ALK: variants seen among roughly 807,000 people sequenced by gnomAD.
The protein encoded by ALK is ALK receptor tyrosine kinase.
In ALK, 74 loss-of-function variants were observed where a neutral mutation model predicts 163.1. That is an observed-to-expected ratio of 0.45 (90% CI 0.38 to 0.55). The LOEUF is 0.55. Ranked by LOEUF, ALK falls within the 20% of genes least tolerant of loss-of-function variation. The pLI, the probability that ALK is intolerant of heterozygous loss-of-function variation, is 0.00. For synonymous variants in ALK, 960 were observed against 843.2 expected, an observed-to-expected ratio of 1.14 and a Z score of -2.40; for missense variants, 2,063 against 2,105.3, an observed-to-expected ratio of 0.98 and a Z score of 0.39.
At chr2:29,604,666 C>A (rs1363971231) in intron 3 of ALK, among the ~76,000 whole-genome samples, 1 of 152,176 alleles carries the variant, frequency 6.6e-6, no homozygotes, top group Non-Finnish European at 1.5e-5. Context: ...CCTGTTTGTG[C>A]CAAAGTTGAG....
intron 3 of ALK, among the ~76,000 whole-genome samples, chr2:29,569,572 C>A (rs1422350911): frequency 8.2e-5 from 2 of 24,436 alleles, no homozygotes; most frequent in Non-Finnish European, 1.8e-4. Flanking sequence ...TTCCCCCCCC[C>A]TAGTGAGGTC....
At chr2:29,247,184 G>A (rs538817526) in intron 12 of ALK, among the ~76,000 whole-genome samples, 2 of 152,298 alleles carry the variant, frequency 1.3e-5, no homozygotes, top group South Asian at 4.1e-4. Flanking sequence ...CGGCCTCCGC[G>A]GCAGCGCCTT....
At chr2:29,314,946 T>A (rs1371927014) in intron 8 of ALK, among the ~76,000 whole-genome samples, 3 of 152,114 alleles carry the variant, frequency 2.0e-5, no homozygotes, top group African/African-American at 7.2e-5. Context: ...TTCGAGCAGG[T>A]CTGACAGCAA....
intron 28 of ALK, among the ~76,000 whole-genome samples, chr2:29,195,499 G>A (rs1472047470): frequency 6.6e-6 from 1 of 152,160 alleles, no homozygotes; most frequent in East Asian, 1.9e-4. Flanking sequence ...TTGGGAGGCC[G>A]AGGCGGGTGG....
At chr2:29,805,329 T>C (rs1664580125) in intron 1 of ALK, among the ~76,000 whole-genome samples, 1 of 152,178 alleles carries the variant, frequency 6.6e-6, no homozygotes, top group South Asian at 2.1e-4. Context: ...CTTGGATACA[T>C]GTGCAGGACA....
chr2:29,452,000 T>C (rs1021465800), intron 4 of ALK, among the ~76,000 whole-genome samples: 1 of 152,200 alleles, frequency 6.6e-6, no homozygotes, highest in East Asian at 1.9e-4. Flanking sequence ...GTTTATTTGA[T>C]TTCAATCAAT....
chr2:29,400,952 G>T (rs1482447109), intron 4 of ALK, among the ~76,000 whole-genome samples: 2 of 151,412 alleles, frequency 1.3e-5, no homozygotes, highest in Non-Finnish European at 2.9e-5. Flanking sequence ...TCCAGCCTGG[G>T]CAAACAGAGT....
At chr2:29,904,987 G>A (rs1667501429) in intron 1 of ALK, among the ~76,000 whole-genome samples, 1 of 152,184 alleles carries the variant, frequency 6.6e-6, no homozygotes, top group Non-Finnish European at 1.5e-5. Context: ...AATGTCTTCA[G>A]TAAAATGGGA....
chr2:29,647,227 G>A (rs1359793666), intron 3 of ALK, among the ~76,000 whole-genome samples: 1 of 152,140 alleles, frequency 6.6e-6, no homozygotes, highest in African/African-American at 2.4e-5. Flanking sequence ...TGGCATGTAA[G>A]GCTTGTTCTC....
chr2:29,285,765 G>T (rs893156363), intron 9 of ALK, among the ~76,000 whole-genome samples: 2 of 151,862 alleles, frequency 1.3e-5, no homozygotes, highest in African/African-American at 4.8e-5. Flanking sequence ...GTTTTACCAT[G>T]TTGGCCAGGC....
At chr2:29,293,844 T>TGTATTTCATGTAACAGCCAGGG (rs6146694) in intron 9 of ALK, among the ~76,000 whole-genome samples, 1 of 152,054 alleles carries the variant, frequency 6.6e-6, no homozygotes, top group Admixed American at 6.6e-5. Context: ...TGGTCAGATT[T>TGTATTTCATGTAACAGCCAGGG]CCAATACCGT....
chr2:29,683,087 A>G (rs1201877821), intron 3 of ALK, among the ~76,000 whole-genome samples: 1 of 152,168 alleles, frequency 6.6e-6, no homozygotes, highest in Non-Finnish European at 1.5e-5. Context: ...ACTTTGATCA[A>G]GCATGAAGGC....
At chr2:29,717,336 G>T (rs1679290553) in intron 2 of ALK, among the ~76,000 whole-genome samples, 2 of 152,172 alleles carry the variant, frequency 1.3e-5, no homozygotes, top group African/African-American at 4.8e-5. Context: ...AAGCAGGAGG[G>T]ATATGGCAGA....
chr2:29,673,839 C>A (rs1677785556), intron 3 of ALK, among the ~76,000 whole-genome samples: 1 of 151,222 alleles, frequency 6.6e-6, no homozygotes. Flanking sequence ...TTGTTTGTAT[C>A]CTCTTTTATT....
intron 1 of ALK, among the ~76,000 whole-genome samples, chr2:29,822,988 GT>G (rs1380680610): frequency 6.6e-6 from 1 of 152,216 alleles, no homozygotes; most frequent in Admixed American, 6.5e-5. Context: ...TGGTTTGACT[GT>G]GTCCCCACCC....
At chr2:29,343,058 A>G (rs1274515200) in intron 5 of ALK, among the ~76,000 whole-genome samples, 5 of 145,722 alleles carry the variant, frequency 3.4e-5, no homozygotes, top group Non-Finnish European at 7.6e-5. Flanking sequence ...AATTTTTCTT[A>G]TTTTTTTTTA....
intron 5 of ALK, among the ~76,000 whole-genome samples, chr2:29,359,199 G>A (rs1462618112): frequency 6.6e-6 from 1 of 152,186 alleles, no homozygotes; most frequent in African/African-American, 2.4e-5. Context: ...TAACACTGCA[G>A]CATCCACACA....
intron 13 of ALK, among the ~76,000 whole-genome samples, chr2:29,235,695 C>A: frequency 6.6e-6 from 1 of 151,656 alleles, no homozygotes; most frequent in Non-Finnish European, 1.5e-5. Flanking sequence ...AGGGTCCAAT[C>A]TGGGTTCTTT....
At chr2:29,549,671 A>G (rs1673664603) in intron 3 of ALK, among the ~76,000 whole-genome samples, 1 of 152,238 alleles carries the variant, frequency 6.6e-6, no homozygotes, top group African/African-American at 2.4e-5. Context: ...AAATTTTATA[A>G]AATACATCTC....
Sources: gnomAD v4.1 joint callset for allele counts (sites outside exome capture counted in the v4.1 genomes callset) on GRCh38, gnomAD v4.1.1 for gene constraint, MANE v1.5 for transcripts, NCBI Gene and HGNC (gene_info 2026-07-23, HGNC 2026-07-21) for gene names.